CEMIP: variants seen among roughly 807,000 people sequenced by gnomAD.
The protein encoded by CEMIP is cell migration inducing hyaluronidase 1.
In CEMIP, 105 loss-of-function variants were observed where a neutral mutation model predicts 156.9. The ratio of observed to expected loss-of-function variants is 0.67; its 90% confidence interval spans 0.57 to 0.79. CEMIP has a LOEUF of 0.79. Among genes scored for constraint, CEMIP ranks in the 30% least tolerant of loss-of-function variants. The pLI is 0.00. For missense variants in CEMIP, 1,457 were observed against 1,769.4 expected (o/e 0.82, Z 3.17); for synonymous variants, 676 against 668.4 (o/e 1.01, Z -0.17).
chr15:80,831,615 G>C (rs114157582), intron 1 of CEMIP, among the ~76,000 whole-genome samples: 1 of 151,964 alleles, frequency 6.6e-6, no homozygotes, highest in African/African-American at 2.4e-5. Context: ...TGGGTCCCAC[G>C]TGGAGATAGT....
chr15:80,902,748 G>A (rs1453438615), intron 12 of CEMIP, among the ~76,000 whole-genome samples: 58 of 152,128 alleles, frequency 3.8e-4, no homozygotes. Flanking sequence ...ACGGAACAAA[G>A]AAAGATGCCA....
chr15:80,789,568 A>T (rs878884631), intron 1 of CEMIP, among the ~76,000 whole-genome samples: 1 of 139,964 alleles, frequency 7.1e-6, no homozygotes, highest in Non-Finnish European at 1.6e-5. Context: ...TGCTTAAATG[A>T]TTTTTTTTTT....
rs561667818 is a variant in CEMIP at position 80,863,285 on chromosome 15, T to C, written c.-175-10253T>C. Among the ~76,000 whole-genome samples the C allele has an allele frequency of 6.6e-5, 10 of 152,312 alleles. No homozygotes were observed. In the East Asian group the frequency reaches 1.7e-3, roughly 26 times the overall value. ...CACCCACCTGTTTTGATAGAGGGTGTTGGACAAGGAGTTGAAAGTTGCAGA... is the reference window on the plus strand; with the variant it reads ...CACCCACCTGTTTTGATAGAGGGTGCTGGACAAGGAGTTGAAAGTTGCAGA... On this transcript the variant is annotated intron_variant, in intron 1 of 29. Coordinates refer to ENST00000394685, the MANE Select transcript of CEMIP (RefSeq NM_001293298.2).
chr15:80,859,476 A>G (rs149455913), intron 1 of CEMIP, among the ~76,000 whole-genome samples: 2 of 152,342 alleles, frequency 1.3e-5, no homozygotes, highest in East Asian at 1.9e-4. Context: ...TATCTGTCCC[A>G]TCTCTCCTGC....
chr15:80,818,550 G>A (rs965754637), intron 1 of CEMIP, among the ~76,000 whole-genome samples: 1 of 152,156 alleles, frequency 6.6e-6, no homozygotes, highest in African/African-American at 2.4e-5. Context: ...GTATCACAAC[G>A]GAAGTCCTGA....
chr15:80,895,790 G>A (rs1332609816), intron 11 of CEMIP, 79 bp from the exon 12 acceptor site: 1 of 1,313,512 alleles, frequency 7.6e-7, no homozygotes, highest in Non-Finnish European at 1.1e-6. Flanking sequence ...ATTTAGGGAG[G>A]GGAAGGGAAA....
chr15:80,858,317 G>A (rs1897901078), intron 1 of CEMIP, among the ~76,000 whole-genome samples: 1 of 152,112 alleles, frequency 6.6e-6, no homozygotes, highest in Non-Finnish European at 1.5e-5. Flanking sequence ...GCATGTTTTG[G>A]GGACATGATA....
chr15:80,828,208 G>T (rs541360759), intron 1 of CEMIP, among the ~76,000 whole-genome samples: 3 of 152,150 alleles, frequency 2.0e-5, no homozygotes, highest in African/African-American at 7.2e-5. Flanking sequence ...GTGAAACCTC[G>T]TCTCTACTAA....
rs779637930 is a variant in CEMIP at position 80,924,653 on chromosome 15, C to T, written c.2235C>T (p.Thr745=). Residue 745 remains threonine, a synonymous_variant, in exon 18 of 30, where the codon ACC becomes ACT. Coordinates refer to ENST00000394685, the MANE Select transcript of CEMIP (RefSeq NM_001293298.2). ...AGMIIDNGVK[T]TEASAKDKRP... is the part of the protein sequence containing the mutation. ...TGATCATAGACAACGGAGTCAAAAC[C>T]ACCGAGGCCTCTGCCAAGGACAAGC... 33 of 1,614,068 alleles carry T rather than the reference C, an allele frequency of 2.0e-5. 1 individual carries two copies. Among genetic ancestry groups the T allele is most frequent in the Middle Eastern group, 3.3e-4 (2 of 6,084 alleles).
At chr15:80,928,404 CT>C (rs1900773966) in intron 19 of CEMIP, among the ~76,000 whole-genome samples, 1 of 152,162 alleles carries the variant, frequency 6.6e-6, no homozygotes, top group African/African-American at 2.4e-5. Flanking sequence ...CAGCATCTGC[CT>C]GGCTTCCTGG....
intron 1 of CEMIP, among the ~76,000 whole-genome samples, chr15:80,853,272 G>A (rs1897757107): frequency 6.6e-6 from 1 of 152,182 alleles, no homozygotes; most frequent in South Asian, 2.1e-4. Context: ...GGAAAAGCAT[G>A]GGGTTTGGAT....
In CEMIP at chr15:80,951,067, G is replaced by A. The variant is rs979213870; in HGVS notation, c.*2143G>A. The A allele has an allele frequency of 6.6e-6, 1 of 152,662 alleles. No homozygotes were observed. The highest frequency in any genetic ancestry group is 2.4e-5 in the African/African-American group (1 of 41,440). 9.5% of individuals were successfully genotyped at this position (152,662 alleles called of 1,614,324 possible). On this transcript the variant is annotated 3_prime_UTR_variant, in exon 30 of 30. Coordinates refer to ENST00000394685, the MANE Select transcript of CEMIP (RefSeq NM_001293298.2). ...GCTGCTTCAAAGGCCAGAGTCACAG[G>A]AAGGACTTCTTCCAGGGAGATTAGT...
chr15:80,943,784 C>A (rs968731020), intron 28 of CEMIP, among the ~76,000 whole-genome samples: 4 of 152,222 alleles, frequency 2.6e-5, no homozygotes, highest in African/African-American at 9.7e-5. Context: ...ATCACCAACA[C>A]TGTTGGCACA....
chr15:80,784,960 T>A (rs1895891865), intron 1 of CEMIP, among the ~76,000 whole-genome samples: 1 of 152,208 alleles, frequency 6.6e-6, no homozygotes, highest in Non-Finnish European at 1.5e-5. Flanking sequence ...GTCTGTGCCC[T>A]CCTAATGACC....
Position 80,864,495 on chromosome 15 carries a change from C to G in CEMIP, c.-175-9043C>G, listed in dbSNP as rs141873301. On this transcript the variant is annotated intron_variant, in intron 1 of 29. Coordinates refer to ENST00000394685, the MANE Select transcript of CEMIP (RefSeq NM_001293298.2). ...GGCAACCCTGGGTAATGGCGACACACTGACCTTTATGGAGTCTTCATCCGG... is the reference window on the plus strand; with the variant it reads ...GGCAACCCTGGGTAATGGCGACACAGTGACCTTTATGGAGTCTTCATCCGG... Among the ~76,000 whole-genome samples, 7 of 152,366 alleles carry G rather than the reference C, an allele frequency of 4.6e-5. No individual in the cohort carries two copies. In the East Asian group the frequency reaches 5.8e-4, roughly 13 times the overall value.
At chr15:80,839,203 C>A (rs148723049) in intron 1 of CEMIP, among the ~76,000 whole-genome samples, 107 of 151,832 alleles carry the variant, frequency 7.0e-4, no homozygotes, top group African/African-American at 2.3e-3. Context: ...TTCTCCTCAG[C>A]CAGCAGGAAT....
intron 7 of CEMIP, 98 bp from the exon 8 acceptor site, chr15:80,887,596 A>C (rs1596160106): frequency 1.1e-6 from 1 of 880,622 alleles, no homozygotes; most frequent in South Asian, 1.4e-5. Flanking sequence ...ACCCTCCTTC[A>C]CCTGACGCTG....
At chr15:80,918,777 T>G (rs946189650) in intron 14 of CEMIP, among the ~76,000 whole-genome samples, 1 of 152,114 alleles carries the variant, frequency 6.6e-6, no homozygotes, top group African/African-American at 2.4e-5. Context: ...CTGGAGTGTC[T>G]GAGCAGAAGC....
At chr15:80,844,911 G>A (rs368496571) in intron 1 of CEMIP, among the ~76,000 whole-genome samples, 6 of 152,178 alleles carry the variant, frequency 3.9e-5, no homozygotes, top group Non-Finnish European at 5.9e-5. Context: ...CCCCAGAACC[G>A]AGCACTCACC....
Sources: allele counts gnomAD v4.1 joint callset (sites outside exome capture counted in the v4.1 genomes callset), GRCh38; gene constraint gnomAD v4.1.1; transcripts MANE v1.5; gene names NCBI Gene and HGNC (gene_info 2026-07-23, HGNC 2026-07-21).